The following PCDHGA9 variants were observed in gnomAD, a reference collection of about 807,000 sequenced individuals.
PCDHGA9 encodes the protein protocadherin gamma subfamily A, 9.
Under a neutral mutation model 62.5 loss-of-function variants are expected in PCDHGA9, and 37 were observed. That is an observed-to-expected ratio of 0.59 (90% CI 0.46 to 0.78). The LOEUF is 0.78. PCDHGA9 is among the 30% of genes least tolerant of loss of function. The pLI is 0.00. For missense variants in PCDHGA9, 1,138 were observed against 1,166.2 expected, an observed-to-expected ratio of 0.98 and a Z score of 0.35; for synonymous variants, 459 against 484.6, an observed-to-expected ratio of 0.95 and a Z score of 0.69.
chr5:141,428,145 A>G (rs748256830), intron 1 of PCDHGA9: 10 of 1,592,574 alleles, frequency 6.3e-6, no homozygotes, highest in African/African-American at 1.3e-5. Context: ...GGGGCTGCAC[A>G]CGGGAACCTG....
At chr5:141,433,225 GCT>G in intron 1 of PCDHGA9, 1 of 1,517,048 alleles carries the variant, frequency 6.6e-7, no homozygotes, top group African/African-American at 1.4e-5. Context: ...TTTTTTAATT[GCT>G]CTGTCTCCCA....
Position 141,423,542 on chromosome 5 carries a change from C to T in PCDHGA9, c.2424+18166C>T, listed in dbSNP as rs755766737. 4.3e-6 allele frequency: 7 copies of T among 1,613,616 alleles called. No individual in the cohort carries two copies. The African/African-American group carries it at 6.7e-5, about 15-fold the overall frequency. The stretch of plus-strand genomic sequence containing the variant: ...TCGCAGAAGAGTCACCTGATTTTCC[C>T]CCAGCCCAACTATGGGGACACGCTC... On this transcript the variant is annotated intron_variant, in intron 1 of 3. Transcript: ENST00000573521.
At chr5:141,416,576 A>C (rs1300203182) in intron 1 of PCDHGA9, 2 of 152,204 alleles carry the variant, frequency 1.3e-5, no homozygotes, top group Non-Finnish European at 2.9e-5. Flanking sequence ...TGAAATTGAG[A>C]GGCAAAATAA....
At chr5:141,492,191 G>A (rs996614987) in intron 1 of PCDHGA9, among the ~76,000 whole-genome samples, 1 of 152,204 alleles carries the variant, frequency 6.6e-6, no homozygotes, top group African/African-American at 2.4e-5. Context: ...ACCTGTCTGC[G>A]GGACTTAGGT....
Position 141,405,054 on chromosome 5 carries a change from C to G in PCDHGA9, c.2102C>G (p.Ser701Cys), listed in dbSNP as rs773491411. ...CTCGTTGTGGCTGTGGCAGTCGTCT[C>G]CTGTGTCTTCCTCACCTTCGTTATC... The part of the protein sequence containing the change: ...LYLVVAVAVV[S>C]CVFLTFVITL... The change falls in exon 1 of 4, where the codon TCC (serine) becomes TGC (cysteine). Residue 701 changes from serine (S) to cysteine (C), a missense_variant. By Grantham distance (112) the Ser-to-Cys change is moderately radical. Transcript: ENST00000573521. The G allele has an allele frequency of 2.3e-5, 37 of 1,613,806 alleles. 1 individual carries two copies. The South Asian group carries it at 4.1e-4, about 18-fold the overall frequency.
In PCDHGA9 at chr5:141,465,057, A is replaced by T. The variant is rs1253395484; in HGVS notation, c.2425-29750A>T. 3.3e-5 allele frequency among the ~76,000 whole-genome samples: 5 copies of T among 151,646 alleles called. No homozygotes were observed. The East Asian group carries it at 9.6e-4, about 29-fold the overall frequency. ...ACAAATGACCCTATATATTTTTTTG[A>T]ATTGTCTGTTCATGTCTTATTTTCA... On this transcript the variant is annotated intron_variant, in intron 1 of 3. Coordinates refer to ENST00000573521, the MANE Select transcript of PCDHGA9 (RefSeq NM_018921.3).
Position 141,489,153 on chromosome 5 carries a change from G to T in PCDHGA9, c.2425-5654G>T. 1 of 935,828 alleles carries T rather than the reference G, an allele frequency of 1.1e-6. No individual in the cohort carries two copies. Among genetic ancestry groups the T allele is most frequent in the South Asian group, 1.8e-5 (1 of 55,006 alleles). 58.0% of individuals were successfully genotyped at this position (935,828 alleles called of 1,614,324 possible). A position where few individuals can be genotyped will look rare whatever the true frequency, so the allele number is the denominator to read the frequency against. Reference sequence around the variant, plus strand: ...TTTAAGAGGCTGGAAGGAGACATAAGAGACTTCAGCTGCTGCATTCCAAGC... The same window carrying T: ...TTTAAGAGGCTGGAAGGAGACATAATAGACTTCAGCTGCTGCATTCCAAGC... On this transcript the variant is annotated intron_variant, in intron 1 of 3. Transcript: ENST00000573521. The surrounding 1 kb of genome is among the most constrained non-coding windows in gnomAD (Gnocchi z 4.5).
intron 1 of PCDHGA9, among the ~76,000 whole-genome samples, chr5:141,450,823 A>ATTT: frequency 7.5e-6 from 1 of 133,136 alleles, no homozygotes; most frequent in African/African-American, 2.9e-5. Flanking sequence ...TAATATTATT[A>ATTT]TTATTATTTT....
intron 1 of PCDHGA9, among the ~76,000 whole-genome samples, chr5:141,438,788 A>G (rs1024095720): frequency 3.3e-5 from 5 of 149,742 alleles, no homozygotes; most frequent in Non-Finnish European, 7.4e-5. Flanking sequence ...CAGCCTCTCC[A>G]GTAGCTGGGA....
chr5:141,430,723 A>C lies in PCDHGA9; in HGVS notation c.2424+25347A>C, dbSNP rs554822923. ...GAACTGCTCCTGACTTCAGTGGTTAAGGGCAGAATTGAAAATAATTCTGGA... is the reference window on the plus strand; with the variant it reads ...GAACTGCTCCTGACTTCAGTGGTTACGGGCAGAATTGAAAATAATTCTGGA... On this transcript the variant is annotated intron_variant, in intron 1 of 3. Transcript: ENST00000573521. 58 of 1,493,590 alleles carry C rather than the reference A, an allele frequency of 3.9e-5. No homozygotes were observed. The African/African-American group carries it at 7.7e-4, about 20-fold the overall frequency. The allele number at this position is 1,493,590 out of a possible 1,614,324, so 92.5% of individuals were successfully genotyped here. A position where few individuals can be genotyped will look rare whatever the true frequency, so the allele number is the denominator to read the frequency against.
intron 1 of PCDHGA9, among the ~76,000 whole-genome samples, chr5:141,430,383 G>GA (rs139772145): frequency 0.061 from 8,436 of 138,452 alleles, 243 homozygotes; most frequent in South Asian, 0.089. Context: ...AGCTCATTGG[G>GA]AAAAAAAAAA....
At chr5:141,505,599 G>T in intron 3 of PCDHGA9, 118 bp downstream of exon 3, 1 of 1,555,586 alleles carries the variant, frequency 6.4e-7, no homozygotes, top group Non-Finnish European at 8.7e-7. Context: ...CAGATCTTTC[G>T]GCAGGTCTGA....
chr5:141,409,825 G>T (rs748261010), intron 1 of PCDHGA9: 8 of 1,610,680 alleles, frequency 5.0e-6, no homozygotes, highest in Admixed American at 3.4e-5. Context: ...GCTCGCCCAC[G>T]CTCAGCGCCA....
chr5:141,419,145 A>T, intron 1 of PCDHGA9: 1 of 1,613,940 alleles, frequency 6.2e-7, no homozygotes, highest in Non-Finnish European at 8.5e-7. Flanking sequence ...GACAGGGGCA[A>T]GCCTCCGTTA....
chr5:141,417,980 C>A lies in PCDHGA9; in HGVS notation c.2424+12604C>A, dbSNP rs905203424. On this transcript the variant is annotated intron_variant, in intron 1 of 3. Transcript: ENST00000573521. ...GATCCGCTACTCGATTCCGGAGGAG[C>A]TGGCCAAGGGCTCGGTGGTGGGGAA... is the stretch of plus-strand genomic sequence containing the variant. 4.3e-6 allele frequency: 7 copies of A among 1,613,856 alleles called. No homozygotes were observed. The Admixed American group carries it at 1.0e-4, about 23-fold the overall frequency.
At chr5:141,502,093 G>C (rs1037154464) in intron 2 of PCDHGA9, among the ~76,000 whole-genome samples, 27 of 152,112 alleles carry the variant, frequency 1.8e-4, no homozygotes, top group Admixed American at 1.7e-3. Flanking sequence ...AGAACACCTG[G>C]CCTTGACCCT....
chr5:141,485,899 C>A lies in PCDHGA9; in HGVS notation c.2425-8908C>A, dbSNP rs775312856. 12 of 1,614,166 alleles carry A rather than the reference C, an allele frequency of 7.4e-6. No individual in the cohort carries two copies. The highest frequency in any genetic ancestry group is 8.5e-6 in the Non-Finnish European group (10 of 1,180,032). On this transcript the variant is annotated intron_variant, in intron 1 of 3. Coordinates refer to ENST00000573521, the MANE Select transcript of PCDHGA9 (RefSeq NM_018921.3). The surrounding 1 kb of genome is among the most constrained non-coding windows in gnomAD (Gnocchi z 5.7). ...ACGTAAACGACAACGCCCCAGCCTT[C>A]CAGCAATCCAGCTACAGGATTAGTG...
In PCDHGA9 at chr5:141,418,027, T is replaced by C. The variant is rs536104184; in HGVS notation, c.2424+12651T>C. On this transcript the variant is annotated intron_variant, in intron 1 of 3. Coordinates refer to ENST00000573521, the MANE Select transcript of PCDHGA9 (RefSeq NM_018921.3). ...GGAACCTCGCTAAGGATCTAGGGCT[T>C]AGTGTCCTGGATGTGTCGGCTCGCG... is the stretch of plus-strand genomic sequence containing the variant. 144 of 1,613,732 alleles carry C rather than the reference T, an allele frequency of 8.9e-5. No homozygotes were observed. The East Asian group carries it at 1.2e-3, about 14-fold the overall frequency.
intron 1 of PCDHGA9, among the ~76,000 whole-genome samples, chr5:141,460,256 C>T (rs1315761341): frequency 6.6e-6 from 1 of 151,704 alleles, no homozygotes; most frequent in Admixed American, 6.6e-5. Context: ...TTGATAAAGC[C>T]CAATTTATTT....
Sources: gnomAD v4.1 joint callset for allele counts (sites outside exome capture counted in the v4.1 genomes callset) on GRCh38, gnomAD v4.1.1 for gene constraint, Gnocchi (gnomAD v3.1) non-coding constraint, MANE v1.5 for transcripts, NCBI Gene and HGNC (gene_info 2026-07-23, HGNC 2026-07-21) for gene names.